ITGB5: variants seen among roughly 807,000 people sequenced by gnomAD.
ITGB5 encodes the protein integrin beta-5.
ITGB5 carries 38 observed loss-of-function variants against 84.8 expected under a neutral mutation model. That is an observed-to-expected ratio of 0.45 (90% CI 0.35 to 0.59). The LOEUF is 0.59. Ranked by LOEUF, ITGB5 falls within the 20% of genes least tolerant of loss-of-function variation. The pLI is 0.01. For missense variants in ITGB5, 905 were observed against 1,034.5 expected (o/e 0.87, Z 1.72); for synonymous variants, 393 against 414.4 (o/e 0.95, Z 0.63).
rs146929731 is a variant in ITGB5 at position 124,882,931 on chromosome 3, C to T, written c.70+4000G>A. ...CCCGGGAAGTAAACCCTGCATTCAACGGAAGCAAGAAGCCTCAGAAACAAA... is the reference window on the plus strand; with the variant it reads ...CCCGGGAAGTAAACCCTGCATTCAATGGAAGCAAGAAGCCTCAGAAACAAA... On this transcript the variant is annotated intron_variant, in intron 1 of 14. Coordinates refer to ENST00000296181, the MANE Select transcript of ITGB5 (RefSeq NM_002213.5). Among the ~76,000 whole-genome samples the T allele has an allele frequency of 2.0e-4, 30 of 152,260 alleles. No individual in the cohort carries two copies. In the East Asian group the frequency reaches 2.7e-3, roughly 14 times the overall value.
chr3:124,797,922 A>G (rs996428831), intron 9 of ITGB5, among the ~76,000 whole-genome samples: 2 of 152,064 alleles, frequency 1.3e-5, no homozygotes, highest in Admixed American at 1.3e-4. Flanking sequence ...CCCCACAAAC[A>G]GACTCACTGG....
At chr3:124,859,974 A>G (rs756933928) in intron 2 of ITGB5, among the ~76,000 whole-genome samples, 2 of 152,170 alleles carry the variant, frequency 1.3e-5, no homozygotes, top group African/African-American at 2.4e-5. Context: ...AAGATGACAT[A>G]TAAGTAGCTG....
intron 9 of ITGB5, among the ~76,000 whole-genome samples, chr3:124,801,410 C>G (rs1285247559): frequency 6.6e-6 from 1 of 152,180 alleles, no homozygotes; most frequent in Admixed American, 6.5e-5. Context: ...TGCCCCTCAG[C>G]CCCTGCCCTG....
intron 8 of ITGB5, among the ~76,000 whole-genome samples, chr3:124,811,561 A>G (rs1181729991): frequency 6.6e-6 from 1 of 152,166 alleles, no homozygotes. Context: ...AGATCTGCCC[A>G]AGCCGCCACT....
intron 2 of ITGB5, among the ~76,000 whole-genome samples, chr3:124,871,486 G>A (rs1270506557): frequency 6.6e-6 from 1 of 152,098 alleles, no homozygotes; most frequent in African/African-American, 2.4e-5. Context: ...GAGCCACCGC[G>A]CCTGGCCGAA....
chr3:124,875,973 T>C (rs1052264327), intron 1 of ITGB5, among the ~76,000 whole-genome samples: 4 of 152,154 alleles, frequency 2.6e-5, no homozygotes, highest in Admixed American at 6.5e-5. Context: ...AAAATGGTGG[T>C]TGCCATGGCT....
chr3:124,853,401 C>T (rs949007411), intron 3 of ITGB5, among the ~76,000 whole-genome samples: 8 of 151,566 alleles, frequency 5.3e-5, no homozygotes, highest in Non-Finnish European at 1.2e-4. Flanking sequence ...GGCTGTACTG[C>T]ACCCCCTCTC....
intron 2 of ITGB5, among the ~76,000 whole-genome samples, chr3:124,865,937 G>A (rs1260802784): frequency 6.6e-6 from 1 of 152,052 alleles, no homozygotes; most frequent in Non-Finnish European, 1.5e-5. Flanking sequence ...ACTGTTACAT[G>A]GAGGATAAGA....
intron 2 of ITGB5, among the ~76,000 whole-genome samples, chr3:124,866,448 A>T (rs1407508853): frequency 2.0e-5 from 3 of 152,218 alleles, no homozygotes; most frequent in Non-Finnish European, 4.4e-5. Flanking sequence ...CTGAAGGCTA[A>T]AACTCTAAAA....
intron 4 of ITGB5, among the ~76,000 whole-genome samples, chr3:124,844,406 A>T (rs2065050889): frequency 6.6e-6 from 1 of 152,068 alleles, no homozygotes; most frequent in South Asian, 2.1e-4. Flanking sequence ...CTAAAAATAC[A>T]AAAATTAGCT....
rs187603303 is a variant in ITGB5, at chr3:124,804,994, T to C, written c.1263+4028A>G. Among the ~76,000 whole-genome samples, 25 of 142,978 alleles carry C rather than the reference T, an allele frequency of 1.7e-4. 1 individual carries two copies. In the East Asian group the frequency reaches 4.9e-3, roughly 28 times the overall value. 93.8% of individuals were successfully genotyped at this position (142,978 alleles called of 152,430 possible). A position where few individuals can be genotyped will look rare whatever the true frequency, so the allele number is the denominator to read the frequency against. ...CTTTCTTTCCTTCCTTCCTTCCTTC[T>C]TTCTTTTTCTTTCTTCTTCCTTCCT... On this transcript the variant is annotated intron_variant, in intron 9 of 14. Coordinates refer to ENST00000296181, the MANE Select transcript of ITGB5 (RefSeq NM_002213.5).
At chr3:124,794,806 A>G (rs897330960) in intron 10 of ITGB5, among the ~76,000 whole-genome samples, 2 of 150,482 alleles carry the variant, frequency 1.3e-5, no homozygotes, top group South Asian at 2.1e-4. Context: ...ACAAGAAAGA[A>G]AGAGAGAGAG....
chr3:124,851,623 ACACACACACACACACACACG>A (rs2065156337), intron 3 of ITGB5, among the ~76,000 whole-genome samples: 2 of 151,368 alleles, frequency 1.3e-5, no homozygotes, highest in Non-Finnish European at 1.5e-5. Context: ...ACACACACAC[ACACACACACACACACACACG>A]CACACATCCC....
chr3:124,859,682 T>C (rs1470295675), intron 2 of ITGB5, among the ~76,000 whole-genome samples: 1 of 152,178 alleles, frequency 6.6e-6, no homozygotes, highest in African/African-American at 2.4e-5. Flanking sequence ...ATAATAAAAA[T>C]GTTCGGTTTT....
intron 13 of ITGB5, among the ~76,000 whole-genome samples, chr3:124,765,188 T>C (rs1302418752): frequency 1.3e-5 from 2 of 152,188 alleles, no homozygotes; most frequent in Non-Finnish European, 2.9e-5. Flanking sequence ...AGCAAATCTT[T>C]TTCTGCTCCA....
chr3:124,876,726 T>G (rs1934335890), intron 1 of ITGB5, among the ~76,000 whole-genome samples: 1 of 152,174 alleles, frequency 6.6e-6, no homozygotes, highest in Non-Finnish European at 1.5e-5. Context: ...CTCCTCATCC[T>G]TATCTACCTC....
chr3:124,849,818 G>T (rs1321267512), intron 3 of ITGB5, among the ~76,000 whole-genome samples: 1 of 124,290 alleles, frequency 8.0e-6, no homozygotes, highest in African/African-American at 2.7e-5. Context: ...TAATGATCTT[G>T]AAATCATTTC....
intron 8 of ITGB5, among the ~76,000 whole-genome samples, chr3:124,812,806 C>T (rs2064525745): frequency 6.6e-6 from 1 of 152,178 alleles, no homozygotes; most frequent in Admixed American, 6.5e-5. Context: ...ATTAAACATA[C>T]CCTTTCCATT....
rs1033355071 is a variant in ITGB5, at chr3:124,879,465, A to G, written c.71-5934T>C. 2.0e-5 allele frequency among the ~76,000 whole-genome samples: 3 copies of G among 152,252 alleles called. No homozygotes were observed. The South Asian group carries it at 6.2e-4, about 32-fold the overall frequency. ...ACACAATGGACAAAAGAGTCCCAGT[A>G]TAGACTCCAGCAACTAAATAGCCAT... On this transcript the variant is annotated intron_variant, in intron 1 of 14. Coordinates refer to ENST00000296181, the MANE Select transcript of ITGB5 (RefSeq NM_002213.5).
Sources: allele counts gnomAD v4.1 joint callset (sites outside exome capture counted in the v4.1 genomes callset), GRCh38; gene constraint gnomAD v4.1.1; transcripts MANE v1.5; gene names NCBI Gene and HGNC (gene_info 2026-07-23, HGNC 2026-07-21).